COX7B2: variants seen among roughly 807,000 people sequenced by gnomAD.
COX7B2 encodes cytochrome c oxidase subunit 7B2, mitochondrial.
For missense variants in COX7B2, 109 were observed against 95.9 expected (o/e 1.14, Z -0.57); for synonymous variants, 37 against 32.1 (o/e 1.15, Z -0.51).
rs941316430 is a variant in COX7B2, at chr4:46,789,211, G to A, written c.-49-53970C>T. Among the ~76,000 whole-genome samples, 7 of 152,048 alleles carry A rather than the reference G, an allele frequency of 4.6e-5. 1 individual carries two copies. The highest frequency in any genetic ancestry group is 2.0e-4 in the Admixed American group (3 of 15,264). On this transcript the variant is annotated intron_variant, in intron 2 of 2. Coordinates refer to ENST00000355591, the MANE Select transcript of COX7B2 (RefSeq NM_130902.3). ...ATAGATTATCAAGGCTATTTTACTC[G>A]TGTTCTCCAGTTGCTTCTCCTTTGA...
At chr4:46,800,486 A>C (rs1718598837) in intron 2 of COX7B2, among the ~76,000 whole-genome samples, 1 of 152,146 alleles carries the variant, frequency 6.6e-6, no homozygotes, top group Non-Finnish European at 1.5e-5. Flanking sequence ...ACAAATCATC[A>C]ATAAAAAACA....
chr4:46,761,395 G>A (rs12511781), intron 2 of COX7B2, among the ~76,000 whole-genome samples: 39 of 152,200 alleles, frequency 2.6e-4, no homozygotes, highest in Admixed American at 5.9e-4. Context: ...ATTACAAATG[G>A]CCTTCACTAA....
chr4:46,815,145 C>G (rs1719484508), intron 2 of COX7B2, among the ~76,000 whole-genome samples: 1 of 149,560 alleles, frequency 6.7e-6, no homozygotes, highest in Non-Finnish European at 1.5e-5. Context: ...GAGATTGCAC[C>G]AGCCTAGGCG....
intron 2 of COX7B2, among the ~76,000 whole-genome samples, chr4:46,758,034 T>C (rs1043045525): frequency 6.6e-5 from 10 of 152,108 alleles, no homozygotes; most frequent in African/African-American, 2.4e-4. Context: ...GGTAATTTCA[T>C]TCTATAAGTA....
chr4:46,857,867 T>C (rs944407404), intron 1 of COX7B2, among the ~76,000 whole-genome samples: 1 of 152,186 alleles, frequency 6.6e-6, no homozygotes, highest in African/African-American at 2.4e-5. Flanking sequence ...TTTTTTGTGT[T>C]GTTTTGTTTT....
At chr4:46,790,559 T>A (rs77042150) in intron 2 of COX7B2, among the ~76,000 whole-genome samples, 330 of 152,348 alleles carry the variant, frequency 2.2e-3, no homozygotes, top group African/African-American at 7.6e-3. Flanking sequence ...CTCTTTCACC[T>A]AAGATAAAGA....
chr4:46,754,617 T>C (rs116211646), intron 2 of COX7B2, among the ~76,000 whole-genome samples: 36,652 of 126,572 alleles, frequency 0.29, 6,911 homozygotes, highest in South Asian at 0.45. Context: ...GTGCAGCACA[T>C]CATCACGGGG....
chr4:46,869,251 G>A (rs958304087), intron 1 of COX7B2, among the ~76,000 whole-genome samples: 14 of 151,984 alleles, frequency 9.2e-5, no homozygotes, highest in African/African-American at 3.1e-4. Flanking sequence ...TTTATTTTGA[G>A]CCTATGAGTG....
chr4:46,867,777 T>C (rs1360887335), intron 1 of COX7B2, among the ~76,000 whole-genome samples: 1 of 152,196 alleles, frequency 6.6e-6, no homozygotes, highest in Non-Finnish European at 1.5e-5. Flanking sequence ...TTTGGTATGC[T>C]AATTTTTTTT....
At chr4:46,785,995 T>C (rs546271026) in intron 2 of COX7B2, among the ~76,000 whole-genome samples, 1 of 152,308 alleles carries the variant, frequency 6.6e-6, no homozygotes, top group South Asian at 2.1e-4. Context: ...TACAGTTAAA[T>C]GCAATAGATA....
intron 2 of COX7B2, among the ~76,000 whole-genome samples, chr4:46,782,673 G>T (rs1717543199): frequency 6.6e-6 from 1 of 152,182 alleles, no homozygotes; most frequent in African/African-American, 2.4e-5. Context: ...TTTAAGAGCT[G>T]TAACACTCAC....
intron 1 of COX7B2, among the ~76,000 whole-genome samples, chr4:46,886,382 T>C (rs953202855): frequency 6.6e-6 from 1 of 152,190 alleles, no homozygotes; most frequent in African/African-American, 2.4e-5. Flanking sequence ...ACATTCATCT[T>C]ATCTTTGTGT....
chr4:46,895,528 AT>A (rs1264096894), intron 1 of COX7B2, among the ~76,000 whole-genome samples: 1 of 152,184 alleles, frequency 6.6e-6, no homozygotes, highest in African/African-American at 2.4e-5. Flanking sequence ...CAGAAAAAAA[AT>A]AACTATTGGG....
intron 1 of COX7B2, among the ~76,000 whole-genome samples, chr4:46,861,889 C>T (rs923933932): frequency 2.0e-5 from 3 of 152,184 alleles, no homozygotes; most frequent in Non-Finnish European, 4.4e-5. Flanking sequence ...TGCCAGTTCT[C>T]CAGCTCAGGG....
chr4:46,814,199 G>T (rs1719432993), intron 2 of COX7B2, among the ~76,000 whole-genome samples: 1 of 152,148 alleles, frequency 6.6e-6, no homozygotes, highest in South Asian at 2.1e-4. Context: ...TATATTAAAG[G>T]GACGGTTTTT....
chr4:46,804,271 G>T (rs1017212357), intron 2 of COX7B2, among the ~76,000 whole-genome samples: 3 of 152,152 alleles, frequency 2.0e-5, no homozygotes, highest in African/African-American at 7.2e-5. Flanking sequence ...AAGACTTACC[G>T]CAAAGAGCGA....
chr4:46,902,615 C>A (rs1417358673), intron 1 of COX7B2, among the ~76,000 whole-genome samples: 2 of 152,116 alleles, frequency 1.3e-5, no homozygotes, highest in African/African-American at 4.8e-5. Flanking sequence ...ATTTTTGAAC[C>A]CCGAATTCTC....
chr4:46,860,004 T>G (rs1414245748), intron 1 of COX7B2, among the ~76,000 whole-genome samples: 1 of 152,224 alleles, frequency 6.6e-6, no homozygotes, highest in Admixed American at 6.5e-5. Flanking sequence ...CAGCTTGCTC[T>G]TGAATTATTT....
At chr4:46,818,867 T>C (rs976688654) in intron 2 of COX7B2, among the ~76,000 whole-genome samples, 6 of 152,224 alleles carry the variant, frequency 3.9e-5, no homozygotes, top group Admixed American at 3.9e-4. Context: ...CGACTTTAGA[T>C]ATGCCAGTGT....
Sources: gnomAD v4.1 joint callset for allele counts (sites outside exome capture counted in the v4.1 genomes callset) on GRCh38, gnomAD v4.1.1 for gene constraint, MANE v1.5 for transcripts, NCBI Gene and HGNC (gene_info 2026-07-23, HGNC 2026-07-21) for gene names.